ADAMTSL1: variants seen among roughly 807,000 people sequenced by gnomAD.
The protein encoded by ADAMTSL1 is ADAMTS-like protein 1.
In ADAMTSL1, 126 loss-of-function variants were observed where a neutral mutation model predicts 201.8. The observed-to-expected ratio is 0.62, with a 90% CI of 0.54 to 0.72. The LOEUF (loss-of-function observed/expected upper bound fraction) is 0.72, where lower values mean the gene tolerates loss of function less well. Ranked by LOEUF, ADAMTSL1 falls within the 30% of genes least tolerant of loss-of-function variation. The pLI is 0.00. For missense variants in ADAMTSL1, 2,679 were observed against 2,277.8 expected, an observed-to-expected ratio of 1.18 and a Z score of -3.59; for synonymous variants, 1,121 against 903.4, an observed-to-expected ratio of 1.24 and a Z score of -4.32.
At chr9:18,651,605 T>G (rs1322190410) in intron 7 of ADAMTSL1, among the ~76,000 whole-genome samples, 1 of 152,196 alleles carries the variant, frequency 6.6e-6, no homozygotes, top group Non-Finnish European at 1.5e-5. Flanking sequence ...CAGAGGACAA[T>G]TTTTAAAAGG....
chr9:18,449,776 C>G (rs1348226547), intron 2 of ADAMTSL1, among the ~76,000 whole-genome samples: 1 of 152,040 alleles, frequency 6.6e-6, no homozygotes, highest in Non-Finnish European at 1.5e-5. Flanking sequence ...ACATGAAAAG[C>G]TTTTTCAACG....
chr9:18,464,425 A>C (rs1200240032), intron 2 of ADAMTSL1, among the ~76,000 whole-genome samples: 1 of 152,254 alleles, frequency 6.6e-6, no homozygotes, highest in Non-Finnish European at 1.5e-5. Context: ...TATGAATTCT[A>C]TTAAGATATT....
At chr9:18,567,354 T>A (rs1339505672) in intron 3 of ADAMTSL1, among the ~76,000 whole-genome samples, 1 of 151,840 alleles carries the variant, frequency 6.6e-6, no homozygotes, top group African/African-American at 2.4e-5. Flanking sequence ...TAATCCCAGT[T>A]ATTTAGGAGG....
intron 2 of ADAMTSL1, among the ~76,000 whole-genome samples, chr9:18,191,911 C>G (rs1828987516): frequency 6.6e-6 from 1 of 152,104 alleles, no homozygotes; most frequent in Non-Finnish European, 1.5e-5. Flanking sequence ...TTCTTAGAAT[C>G]TTGCAATGAA....
rs1175414068 is a variant in ADAMTSL1, at chr9:18,623,605, C to T, written c.601+1236C>T. Among the ~76,000 whole-genome samples, 3 of 152,190 alleles carry T rather than the reference C, an allele frequency of 2.0e-5. No individual in the cohort carries two copies. In the East Asian group the frequency reaches 5.8e-4, roughly 29 times the overall value. ...TGCTAGGATAGATGGTACAAGTTCTCATGGTACCTACGCCAAAAATTGAGT... is the reference window on the plus strand; with the variant it reads ...TGCTAGGATAGATGGTACAAGTTCTTATGGTACCTACGCCAAAAATTGAGT... On this transcript the variant is annotated intron_variant, in intron 5 of 28. Transcript: ENST00000380548.
upstream of ADAMTSL1, among the ~76,000 whole-genome samples, chr9:18,469,394 T>A (rs1369108798): frequency 6.6e-6 from 1 of 152,212 alleles, no homozygotes; most frequent in Non-Finnish European, 1.5e-5. Flanking sequence ...TCAGTTGGGA[T>A]TCTGTTGCAA....
Position 18,690,752 on chromosome 9 carries a change from C to G in ADAMTSL1, c.1574+5952C>G, listed in dbSNP as rs76049440. On this transcript the variant is annotated intron_variant, in intron 13 of 28. Transcript: ENST00000380548. Reference sequence around the variant, plus strand: ...GCATCAACCCTTCCCCTCCAATAGTCTTGACTTCTCTCACTTCCAACACCT... The same window carrying G: ...GCATCAACCCTTCCCCTCCAATAGTGTTGACTTCTCTCACTTCCAACACCT... Among the ~76,000 whole-genome samples, 762 of 152,308 alleles carry G rather than the reference C, an allele frequency of 5.0e-3. 10 individuals are homozygous for G. The highest frequency in any genetic ancestry group is 0.017 in the African/African-American group (705 of 41,570).
chr9:18,817,319 T>C, intron 21 of ADAMTSL1, 82 bp downstream of exon 21: 1 of 1,411,210 alleles, frequency 7.1e-7, no homozygotes, highest in African/African-American at 1.4e-5. Context: ...TAGACACAAA[T>C]TCTACTCTCA....
intron 2 of ADAMTSL1, among the ~76,000 whole-genome samples, chr9:18,231,872 T>C (rs182873596): frequency 1.0e-3 from 158 of 152,308 alleles, no homozygotes; most frequent in African/African-American, 3.6e-3. Context: ...CTTCAGAATC[T>C]ACCCTCAGTC....
intron 21 of ADAMTSL1, among the ~76,000 whole-genome samples, chr9:18,818,882 G>A (rs1331966430): frequency 6.6e-6 from 1 of 152,090 alleles, no homozygotes; most frequent in East Asian, 1.9e-4. Flanking sequence ...CCTTTGTGAT[G>A]TTTCCCTTCC....
Position 18,006,254 on chromosome 9 carries a change from A to G in ADAMTSL1, c.87+99332A>G, listed in dbSNP as rs376510932. On this transcript the variant is annotated intron_variant, in intron 1 of 29. Coordinates refer to the ADAMTSL1 transcript ENST00000680146. ...TAGAGGTTAATAACTTCAACAGCAT[A>G]GAAACATAGTAAAATAATTAGGACA... Among the ~76,000 whole-genome samples, 58 of 152,172 alleles carry G rather than the reference A, an allele frequency of 3.8e-4. No homozygotes were observed. In the South Asian group the frequency reaches 0.011, roughly 28 times the overall value.
intron 23 of ADAMTSL1, among the ~76,000 whole-genome samples, chr9:18,836,097 G>A (rs895700465): frequency 3.9e-5 from 6 of 152,208 alleles, no homozygotes; most frequent in Non-Finnish European, 7.4e-5. Flanking sequence ...TTTCCACAGC[G>A]GCTAAACTAA....
At chr9:18,549,190 C>G (rs117835458) in intron 3 of ADAMTSL1, among the ~76,000 whole-genome samples, 2,946 of 151,966 alleles carry the variant, frequency 0.019, 37 homozygotes, top group Non-Finnish European at 0.03. Flanking sequence ...GAAGGAGATT[C>G]CAACTTTAGG....
At chr9:18,021,331 A>C (rs1473731361) in intron 1 of ADAMTSL1, among the ~76,000 whole-genome samples, 1 of 152,162 alleles carries the variant, frequency 6.6e-6, no homozygotes, top group Non-Finnish European at 1.5e-5. Flanking sequence ...GTTTGTAACA[A>C]ATCATTTTAA....
chr9:18,853,918 T>TGTGTGTGTGTGTGTGTGCGCGC lies in ADAMTSL1; in HGVS notation c.4249+23942_4249+23943insTGTGTGTGTGTGTGTGCGCGCG, dbSNP rs139332733. ...GTGTGTGTGTGTGTGTGTGTGTGTG[T>TGTGTGTGTGTGTGTGTGCGCGC]GCGCGTGCATGCAAATAGTTGATTA... On this transcript the variant is annotated intron_variant, in intron 23 of 28. Coordinates refer to ENST00000380548, the MANE Select transcript of ADAMTSL1 (RefSeq NM_001040272.6). Among the ~76,000 whole-genome samples, 611 of 145,456 alleles carry TGTGTGTGTGTGTGTGTGCGCGC rather than the reference T, an allele frequency of 4.2e-3. 6 individuals carry two copies. The highest frequency in any genetic ancestry group is 0.019 in the Admixed American group (275 of 14,706).
intron 2 of ADAMTSL1, among the ~76,000 whole-genome samples, chr9:18,433,161 G>A (rs1046790203): frequency 2.6e-5 from 4 of 151,920 alleles, no homozygotes; most frequent in African/African-American, 4.8e-5. Flanking sequence ...AACCCTTCCC[G>A]TGCTGACTAC....
intron 2 of ADAMTSL1, among the ~76,000 whole-genome samples, chr9:18,212,199 A>T (rs943114778): frequency 1.3e-5 from 2 of 151,946 alleles, no homozygotes; most frequent in Non-Finnish European, 2.9e-5. Context: ...AGGAAGACTT[A>T]CTCCTGGTCC....
chr9:18,133,448 A>G (rs1486794487), intron 1 of ADAMTSL1, among the ~76,000 whole-genome samples: 1 of 152,164 alleles, frequency 6.6e-6, no homozygotes, highest in Non-Finnish European at 1.5e-5. Context: ...AAAGTATTTC[A>G]TTGAATCTCA....
chr9:17,957,052 T>G (rs1278396139), intron 1 of ADAMTSL1, among the ~76,000 whole-genome samples: 4 of 152,164 alleles, frequency 2.6e-5, no homozygotes, highest in Non-Finnish European at 5.9e-5. Flanking sequence ...TTCCTAGATT[T>G]TCATGATTTA....
Sources: allele counts gnomAD v4.1 joint callset (sites outside exome capture counted in the v4.1 genomes callset), GRCh38; gene constraint gnomAD v4.1.1; transcripts MANE v1.5; gene names NCBI Gene and HGNC (gene_info 2026-07-23, HGNC 2026-07-21).